Variants in FANCD2 observed in about 807,000 individuals in gnomAD.
FANCD2 encodes the protein Fanconi anemia group D2 protein.
Under a neutral mutation model 192.3 loss-of-function variants are expected in FANCD2, and 131 were observed. The observed-to-expected ratio is 0.68, with a 90% CI of 0.59 to 0.79. The LOEUF (loss-of-function observed/expected upper bound fraction) is 0.79, where lower values mean the gene tolerates loss of function less well. Among genes scored for constraint, FANCD2 ranks in the 30% least tolerant of loss-of-function variants. The pLI is 0.00. For missense variants in FANCD2, 1,508 were observed against 1,701.6 expected (o/e 0.89, Z 2.00); for synonymous variants, 524 against 612.5 (o/e 0.86, Z 2.13).
Position 10,064,758 on chromosome 3 carries a change from A to G in FANCD2, c.2051A>G (p.Tyr684Cys). 4 of 1,614,138 alleles carry G rather than the reference A, an allele frequency of 2.5e-6. No individual in the cohort carries two copies. The highest frequency in any genetic ancestry group is 1.1e-5 in the South Asian group (1 of 91,086). Residue 684 changes from tyrosine to cysteine, a missense_variant, in exon 23 of 44, where the codon TAC becomes TGC. This residue lies in a region of FANCD2 where 59 missense variants were observed against 111.9 expected (regional missense o/e 0.53). Coordinates refer to ENST00000675286, the MANE Select transcript of FANCD2 (RefSeq NM_001018115.3). ...TTTCCATTTCCTGTGAAAGCACTGT[A>G]CGGACTGGAAGAATACGACACTCAG... ...GDFPFPVKAL[Y>C]GLEEYDTQDG...
chr3:10,051,409 AAAAAGG>A (rs2125010298), intron 17 of FANCD2, among the ~76,000 whole-genome samples: 1 of 3,256 alleles, frequency 3.1e-4, no homozygotes, highest in African/African-American at 1.2e-3. Flanking sequence ...AAAAAAAAAC[AAAAAGG>A]AGTGAGGGAT....
intron 34 of FANCD2, among the ~76,000 whole-genome samples, chr3:10,087,824 T>C (rs937275237): frequency 7.9e-5 from 12 of 152,084 alleles, no homozygotes; most frequent in African/African-American, 1.2e-4. Context: ...AATTTTTGTA[T>C]TTTTAGTGGA....
intron 2 of FANCD2, 23 bp from the exon 3 acceptor site, chr3:10,032,809 C>T (rs772418552): frequency 1.9e-6 from 3 of 1,603,296 alleles, no homozygotes; most frequent in Non-Finnish European, 2.6e-6. Context: ...TTGCCATATT[C>T]TTGAAAATTT....
intron 32 of FANCD2, 130 bp downstream of exon 32, chr3:10,081,594 G>A (rs1046950018): frequency 5.8e-5 from 46 of 791,670 alleles, no homozygotes; most frequent in Admixed American, 1.0e-4. Context: ...CATTAATTTT[G>A]TGGGAGTGTT....
chr3:10,079,336 G>T (rs905963377), intron 30 of FANCD2, among the ~76,000 whole-genome samples: 1 of 152,012 alleles, frequency 6.6e-6, no homozygotes, highest in African/African-American at 2.4e-5. Context: ...ACGGAGTCTC[G>T]CTGTGTCTCC....
At chr3:10,088,168 C>T (rs1243314794) in intron 34 of FANCD2, among the ~76,000 whole-genome samples, 2 of 152,114 alleles carry the variant, frequency 1.3e-5, no homozygotes, top group Non-Finnish European at 2.9e-5. Flanking sequence ...CATTCCTTTT[C>T]TCTGTGTGTC....
chr3:10,085,484 C>T (rs1694133615), intron 32 of FANCD2, among the ~76,000 whole-genome samples: 1 of 151,602 alleles, frequency 6.6e-6, no homozygotes, highest in South Asian at 2.1e-4. Flanking sequence ...CTCCACCTCC[C>T]GAGTTCTAGC....
At chr3:10,077,991 C>A (rs1693625716) in intron 29 of FANCD2, 90 bp from the exon 30 acceptor site, 4 of 888,676 alleles carry the variant, frequency 4.5e-6, no homozygotes, top group Non-Finnish European at 7.7e-6. Flanking sequence ...TATGATCTTG[C>A]CACTGCACAT....
At chr3:10,088,601 G>A in intron 35 of FANCD2, 59 bp downstream of exon 35, 1 of 1,259,602 alleles carries the variant, frequency 7.9e-7, no homozygotes, top group African/African-American at 1.5e-5. Flanking sequence ...TGCTACTGTT[G>A]TTTGTCAGAG....
At chr3:10,060,228 G>A (rs911336198) in intron 18 of FANCD2, 66 bp from the exon 19 acceptor site, 10 of 1,097,296 alleles carry the variant, frequency 9.1e-6, no homozygotes, top group South Asian at 2.5e-5. Flanking sequence ...TATATGGCTC[G>A]ATATCCATAC....
chr3:10,059,566 G>T (rs572752401), intron 18 of FANCD2, among the ~76,000 whole-genome samples: 5 of 152,260 alleles, frequency 3.3e-5, no homozygotes, highest in African/African-American at 1.2e-4. Flanking sequence ...ACTTTGGGAG[G>T]CCAAGACAGG....
intron 12 of FANCD2, 29 bp from the exon 13 acceptor site, chr3:10,043,455 G>A (rs1476354269): frequency 3.8e-6 from 6 of 1,568,356 alleles, no homozygotes; most frequent in Admixed American, 1.7e-5. Context: ...ACGTAGAAGA[G>A]TAATTTTTTT....
chr3:10,091,820 T>C lies in FANCD2; in HGVS notation c.3778-361T>C, dbSNP rs34680226. ...AGAAGAATCAGCAACTACCACCGGG[T>C]GCAGTGGCGCACGTCTGTAATCTCA... On this transcript the variant is annotated intron_variant, in intron 37 of 43. Transcript: ENST00000675286. Among the ~76,000 whole-genome samples, 1,139 of 152,024 alleles carry C rather than the reference T, an allele frequency of 7.5e-3. 18 individuals carry two copies. Among genetic ancestry groups the C allele is most frequent in the South Asian group, 0.054 (259 of 4,800 alleles).
intron 34 of FANCD2, 26 bp from the exon 35 acceptor site, chr3:10,088,423 G>A (rs746223604): frequency 7.1e-7 from 1 of 1,417,030 alleles, no homozygotes; most frequent in South Asian, 1.1e-5. Context: ...CCATATGTAA[G>A]ATTCCTTTGT....
intron 34 of FANCD2, among the ~76,000 whole-genome samples, 172 bp from the exon 35 acceptor site, chr3:10,088,277 G>A (rs562959478): frequency 3.3e-5 from 5 of 152,322 alleles, no homozygotes; most frequent in African/African-American, 1.2e-4. Flanking sequence ...TGGCAAAAGG[G>A]CCAGTGGATC....
At position 10,072,981 on chromosome 3, in the gene FANCD2, G is replaced by A; in HGVS notation, c.2605G>A (p.Glu869Lys). 1.3e-6 allele frequency: 2 copies of A among 1,495,732 alleles called. No individual in the cohort carries two copies. The highest frequency in any genetic ancestry group is 2.8e-5 in the African/African-American group (2 of 72,604). The allele number at this position is 1,495,732 out of a possible 1,614,324, so 92.7% of individuals were successfully genotyped here. A position where few individuals can be genotyped will look rare whatever the true frequency, so the allele number is the denominator to read the frequency against. The change falls in exon 27 of 44, where the codon GAA (glutamate) becomes AAA (lysine). Residue 869 changes from glutamate to lysine, a missense_variant and splice_region_variant. Coordinates refer to ENST00000675286, the MANE Select transcript of FANCD2 (RefSeq NM_001018115.3). ...AAAAATCAGAAAGAAAGGAAAAATA[G>A]GTAAGTATGTTCTTTTCCTCTTGTC... Reference protein sequence around the residue: ...SAKIRKKGKIERKQKTDGSKT... With the variant: ...SAKIRKKGKIKRKQKTDGSKT...
chr3:10,039,196 A>G, intron 7 of FANCD2, 83 bp from the exon 8 acceptor site: 1 of 971,388 alleles, frequency 1.0e-6, no homozygotes, highest in Admixed American at 2.0e-5. Flanking sequence ...TGGAATGGCT[A>G]AAATATTTTG....
At chr3:10,070,712 A>G (rs1693184516) in intron 26 of FANCD2, among the ~76,000 whole-genome samples, 1 of 143,538 alleles carries the variant, frequency 7.0e-6, no homozygotes, top group African/African-American at 2.6e-5. Flanking sequence ...GAAAAGATTG[A>G]GAAATCGGAT....
Position 10,084,757 on chromosome 3 carries a change from G to A in FANCD2, c.3225-1055G>A, listed in dbSNP as rs140609464. Among the ~76,000 whole-genome samples, 25 of 152,306 alleles carry A rather than the reference G, an allele frequency of 1.6e-4. 1 individual carries two copies. The highest frequency in any genetic ancestry group is 3.9e-4 in the Admixed American group (6 of 15,300). On this transcript the variant is annotated intron_variant, in intron 32 of 43. Coordinates refer to ENST00000675286, the MANE Select transcript of FANCD2 (RefSeq NM_001018115.3). The stretch of plus-strand genomic sequence containing the variant: ...GGTGATCAGGAAGATGCTTCTAGAG[G>A]AGAAGATCTAGGACGTCAGATTGTG...
Sources: allele counts gnomAD v4.1 joint callset (sites outside exome capture counted in the v4.1 genomes callset), GRCh38; gene constraint gnomAD v4.1.1; regional missense constraint gnomAD v4.1.1; transcripts MANE v1.5; gene names NCBI Gene and HGNC (gene_info 2026-07-23, HGNC 2026-07-21).